PDE6A: variants seen among roughly 807,000 people sequenced by gnomAD.
PDE6A encodes the protein phosphodiesterase 6A.
PDE6A carries 84 observed loss-of-function variants against 106.3 expected under a neutral mutation model. The observed-to-expected ratio is 0.79, with a 90% CI of 0.66 to 0.95. The LOEUF (loss-of-function observed/expected upper bound fraction) is 0.95, where lower values mean the gene tolerates loss of function less well. Ranked by LOEUF, PDE6A falls within the 40% of genes least tolerant of loss-of-function variation. The probability of loss-of-function intolerance (pLI) is 0.00; values close to 1 mark genes in which losing one functional copy is unlikely to be tolerated. For missense variants in PDE6A, 1,052 were observed against 1,084.9 expected, an observed-to-expected ratio of 0.97 and a Z score of 0.43; for synonymous variants, 394 against 386.6, an observed-to-expected ratio of 1.02 and a Z score of -0.23.
At chr5:149,873,819 T>C (rs1488595164) in intron 17 of PDE6A, among the ~76,000 whole-genome samples, 1 of 152,036 alleles carries the variant, frequency 6.6e-6, no homozygotes, top group East Asian at 1.9e-4. Context: ...TGATGAAGAA[T>C]AGGAAGTCAC....
chr5:149,936,115 T>C (rs1163623099), intron 1 of PDE6A, among the ~76,000 whole-genome samples: 1 of 146,118 alleles, frequency 6.8e-6, no homozygotes, highest in Admixed American at 6.8e-5. Flanking sequence ...GATTGTACCA[T>C]TGCACTTTAC....
intron 17 of PDE6A, among the ~76,000 whole-genome samples, chr5:149,875,217 G>A (rs896017669): frequency 3.3e-5 from 5 of 152,130 alleles, no homozygotes; most frequent in African/African-American, 9.7e-5. Context: ...TGTCACAGCT[G>A]GGGAGGGGTG....
At chr5:149,942,214 C>T (rs1247075634) in intron 1 of PDE6A, among the ~76,000 whole-genome samples, 1 of 152,210 alleles carries the variant, frequency 6.6e-6, no homozygotes, top group Non-Finnish European at 1.5e-5. Flanking sequence ...CTTCCCACCT[C>T]AGCCTCCCAA....
At chr5:149,924,501 CTAGCAA>C (rs1404680189) in intron 4 of PDE6A, among the ~76,000 whole-genome samples, 6 of 150,892 alleles carry the variant, frequency 4.0e-5, no homozygotes, top group Non-Finnish European at 8.9e-5. Flanking sequence ...TTTTTAATGT[CTAGCAA>C]TAGGGGAAAG....
chr5:149,925,761 T>G (rs555615389), intron 4 of PDE6A, among the ~76,000 whole-genome samples: 1 of 146,168 alleles, frequency 6.8e-6, no homozygotes, highest in Non-Finnish European at 1.5e-5. Context: ...CGAAGAAATA[T>G]TCAAACTAAA....
intron 6 of PDE6A, among the ~76,000 whole-genome samples, chr5:149,914,344 G>A (rs1047880168): frequency 2.0e-5 from 3 of 152,194 alleles, no homozygotes; most frequent in African/African-American, 7.2e-5. Flanking sequence ...GATTTGGTCA[G>A]TGTTGATCTT....
intron 7 of PDE6A, among the ~76,000 whole-genome samples, chr5:149,904,066 G>A (rs931186619): frequency 4.6e-5 from 7 of 152,152 alleles, no homozygotes; most frequent in Non-Finnish European, 1.0e-4. Context: ...AGCCAATGTG[G>A]TGAAACCCTG....
chr5:149,938,483 G>T (rs1754242651), intron 1 of PDE6A, among the ~76,000 whole-genome samples: 1 of 152,174 alleles, frequency 6.6e-6, no homozygotes, highest in Non-Finnish European at 1.5e-5. Flanking sequence ...ACTATGGTAA[G>T]TATGCACTCT....
chr5:149,861,156 A>G (rs1203162714), intron 21 of PDE6A, among the ~76,000 whole-genome samples, 185 bp from the exon 22 acceptor site: 1 of 152,264 alleles, frequency 6.6e-6, no homozygotes, highest in Non-Finnish European at 1.5e-5. Flanking sequence ...TCTAAGAAAA[A>G]TAGCAGCACG....
rs753584411 is a variant in PDE6A, at chr5:149,895,258, C to G, written c.1653G>C (p.Lys551Asn). 5.0e-6 allele frequency: 8 copies of G among 1,613,872 alleles called. No homozygotes were observed. The Admixed American group carries it at 1.3e-4, about 27-fold the overall frequency. The change falls in exon 13 of 22, where the codon AAG (lysine) becomes AAC (asparagine). Residue 551 changes from lysine (K) to asparagine (N), a missense_variant. Transcript: ENST00000255266. ...ALVRFMYSLS[K>N]GYRKITYHNW... Reference sequence around the variant, plus strand: ...TGTGGTAGGTGATCTTGCGGTAGCCCTTACTCAGGGAGTACATGAACCGCA... The same window carrying G: ...TGTGGTAGGTGATCTTGCGGTAGCCGTTACTCAGGGAGTACATGAACCGCA...
chr5:149,920,983 A>AAAGAAAG (rs1491382696), intron 5 of PDE6A, among the ~76,000 whole-genome samples: 6 of 132,926 alleles, frequency 4.5e-5, no homozygotes, highest in Non-Finnish European at 7.4e-5. Flanking sequence ...AGAAAGAAAG[A>AAAGAAAG]AAGAAAGAAA....
chr5:149,911,785 G>A (rs1170739741), intron 6 of PDE6A, among the ~76,000 whole-genome samples: 1 of 143,980 alleles, frequency 6.9e-6, no homozygotes, highest in Non-Finnish European at 1.5e-5. Flanking sequence ...GATTGCTTGA[G>A]CTCAGGAGTT....
At chr5:149,872,173 C>T (rs1404202372) in intron 17 of PDE6A, among the ~76,000 whole-genome samples, 1 of 152,176 alleles carries the variant, frequency 6.6e-6, no homozygotes, top group Non-Finnish European at 1.5e-5. Flanking sequence ...CCTTCCATCT[C>T]CTCCCCACTT....
intron 7 of PDE6A, among the ~76,000 whole-genome samples, chr5:149,905,470 T>C (rs2569200): frequency 0.81 from 123,059 of 152,116 alleles, 50,235 homozygotes; most frequent in African/African-American, 0.92. Context: ...AAACTGACCT[T>C]GTCATCTTAC....
Position 149,859,317 on chromosome 5 carries a change from G to A in PDE6A, c.*1578C>T, listed in dbSNP as rs1342605952. The A allele has an allele frequency of 6.6e-6, 1 of 152,204 alleles. No individual in the cohort carries two copies. Among genetic ancestry groups the A allele is most frequent in the Non-Finnish European group, 1.5e-5 (1 of 68,040 alleles). 9.4% of individuals were successfully genotyped at this position (152,204 alleles called of 1,614,324 possible). The stretch of plus-strand genomic sequence containing the variant: ...TCAATATGTGAATTTGTTTGGATCA[G>A]ATTCAGGCAAGCCAACCATTGAAAA... On this transcript the variant is annotated 3_prime_UTR_variant, in exon 22 of 22. Transcript: ENST00000255266.
At chr5:149,934,762 A>C in intron 1 of PDE6A, 44 bp from the exon 2 acceptor site, 3 of 1,607,640 alleles carry the variant, frequency 1.9e-6, no homozygotes, top group Non-Finnish European at 2.6e-6. Context: ...AATGAAGAGC[A>C]AGAACAGTGG....
intron 17 of PDE6A, among the ~76,000 whole-genome samples, chr5:149,879,195 C>A (rs1760842122): frequency 1.3e-5 from 2 of 152,096 alleles, no homozygotes; most frequent in African/African-American, 4.8e-5. Context: ...CTTCAGCTTC[C>A]CAAGTAGCTG....
chr5:149,929,714 T>C (rs1033282575), intron 4 of PDE6A, among the ~76,000 whole-genome samples: 4 of 152,070 alleles, frequency 2.6e-5, no homozygotes, highest in Non-Finnish European at 5.9e-5. Context: ...GTAAAACTAA[T>C]ATGGTGTTAA....
At chr5:149,896,943 T>C (rs1335210064) in intron 10 of PDE6A, among the ~76,000 whole-genome samples, 167 bp from the exon 11 acceptor site, 1 of 152,224 alleles carries the variant, frequency 6.6e-6, no homozygotes, top group East Asian at 1.9e-4. Context: ...TTTAGAGCCA[T>C]AGAGACCTGC....
Sources: allele counts gnomAD v4.1 joint callset (sites outside exome capture counted in the v4.1 genomes callset), GRCh38; gene constraint gnomAD v4.1.1; transcripts MANE v1.5; gene names NCBI Gene and HGNC (gene_info 2026-07-23, HGNC 2026-07-21).